Variants in TANGO6 observed in about 807,000 individuals in gnomAD.
The protein encoded by TANGO6 is transport and Golgi organization protein 6 homolog.
Under a neutral mutation model 114.2 loss-of-function variants are expected in TANGO6, and 90 were observed. That is an observed-to-expected ratio of 0.79 (90% CI 0.66 to 0.94). The LOEUF (loss-of-function observed/expected upper bound fraction) is 0.94. TANGO6 is among the 40% of genes least tolerant of loss of function. The pLI is 0.00. For missense variants in TANGO6, 1,274 were observed against 1,315.3 expected, an observed-to-expected ratio of 0.97 and a Z score of 0.49; for synonymous variants, 477 against 509.8, an observed-to-expected ratio of 0.94 and a Z score of 0.87.
chr16:68,881,475 C>T (rs1163548213), intron 7 of TANGO6, among the ~76,000 whole-genome samples: 2 of 152,194 alleles, frequency 1.3e-5, no homozygotes, highest in Middle Eastern at 3.2e-3. Flanking sequence ...TATCATGCCA[C>T]TGCACTCCAG....
intron 16 of TANGO6, among the ~76,000 whole-genome samples, chr16:69,028,383 A>T (rs919504406): frequency 6.6e-6 from 1 of 152,000 alleles, no homozygotes; most frequent in Non-Finnish European, 1.5e-5. Context: ...TAATCTCAGC[A>T]CTTTGGGAGG....
chr16:68,884,830 G>A (rs1962517458), intron 7 of TANGO6, among the ~76,000 whole-genome samples: 2 of 152,186 alleles, frequency 1.3e-5, no homozygotes, highest in Admixed American at 6.5e-5. Flanking sequence ...AAAAAAGAGG[G>A]AGGAAACCTT....
intron 3 of TANGO6, among the ~76,000 whole-genome samples, chr16:68,864,714 G>A (rs1327282078): frequency 6.6e-6 from 1 of 152,174 alleles, no homozygotes; most frequent in Non-Finnish European, 1.5e-5. Flanking sequence ...GAATCTTACT[G>A]TAAGCCTTCC....
At chr16:68,944,928 C>G (rs1963398545) in intron 14 of TANGO6, among the ~76,000 whole-genome samples, 1 of 152,180 alleles carries the variant, frequency 6.6e-6, no homozygotes, top group Non-Finnish European at 1.5e-5. Flanking sequence ...AGGCAGATCA[C>G]TTGAGGTCAG....
At chr16:69,075,998 C>T (rs928282223) in intron 17 of TANGO6, among the ~76,000 whole-genome samples, 1 of 150,866 alleles carries the variant, frequency 6.6e-6, no homozygotes, top group African/African-American at 2.4e-5. Context: ...CTCCTGACCT[C>T]GTGATCTTCC....
intron 14 of TANGO6, among the ~76,000 whole-genome samples, chr16:68,966,403 C>A (rs1005556952): frequency 1.3e-5 from 2 of 151,514 alleles, no homozygotes; most frequent in Non-Finnish European, 2.9e-5. Context: ...ACTTGGGAGG[C>A]TGAGACAGGA....
At chr16:69,035,679 G>T (rs991924422) in intron 16 of TANGO6, 2 of 152,160 alleles carry the variant, frequency 1.3e-5, no homozygotes, top group Admixed American at 6.5e-5. Context: ...ATGGCTTTTA[G>T]AAGTGGACAC....
intron 11 of TANGO6, among the ~76,000 whole-genome samples, chr16:68,915,173 C>CA (rs1165497927): frequency 0.052 from 3,833 of 73,654 alleles, 95 homozygotes; most frequent in Non-Finnish European, 0.061. Context: ...AACTCTGTCT[C>CA]AAAAAAAAAA....
At chr16:68,917,279 T>G (rs1963019374) in intron 11 of TANGO6, among the ~76,000 whole-genome samples, 1 of 152,172 alleles carries the variant, frequency 6.6e-6, no homozygotes, top group Non-Finnish European at 1.5e-5. Flanking sequence ...TTTGGATGTA[T>G]CACAGTTTAT....
intron 11 of TANGO6, among the ~76,000 whole-genome samples, chr16:68,914,173 A>G (rs1962967060): frequency 6.6e-6 from 1 of 152,062 alleles, no homozygotes; most frequent in South Asian, 2.1e-4. Flanking sequence ...TATTATTATT[A>G]TTTTTGAGAC....
chr16:69,025,772 T>A (rs78334695), intron 16 of TANGO6: 1 of 142,876 alleles, frequency 7.0e-6, no homozygotes, highest in Non-Finnish European at 1.5e-5. Flanking sequence ...GCACCTGGCC[T>A]TTTTTTTTTT....
At chr16:68,854,051 C>T (rs1489014606) in intron 1 of TANGO6, among the ~76,000 whole-genome samples, 2 of 152,106 alleles carry the variant, frequency 1.3e-5, no homozygotes, top group Non-Finnish European at 2.9e-5. Flanking sequence ...CAAACATTTT[C>T]TCCCTATCTG....
intron 14 of TANGO6, among the ~76,000 whole-genome samples, chr16:68,962,005 T>G (rs142459210): frequency 4.9e-4 from 75 of 152,336 alleles, no homozygotes; most frequent in African/African-American, 1.7e-3. Context: ...CCTGAATCTT[T>G]ATAAATTTGT....
At chr16:68,902,272 T>C in intron 8 of TANGO6, 56 bp from the exon 9 acceptor site, 1 of 1,509,720 alleles carries the variant, frequency 6.6e-7, no homozygotes, top group Non-Finnish European at 8.9e-7. Context: ...TTATGTTAGC[T>C]TGTTAGATGC....
At chr16:68,907,625 G>T in intron 10 of TANGO6, 50 bp downstream of exon 10, 1 of 1,536,380 alleles carries the variant, frequency 6.5e-7, no homozygotes, top group South Asian at 1.3e-5. Flanking sequence ...GGGAGTTCCA[G>T]GAAACCCTTA....
At chr16:68,857,070 C>T (rs1962007504) in intron 1 of TANGO6, among the ~76,000 whole-genome samples, 1 of 152,240 alleles carries the variant, frequency 6.6e-6, no homozygotes, top group Non-Finnish European at 1.5e-5. Flanking sequence ...GATCGCACCG[C>T]TGCACTCCAG....
chr16:68,971,144 C>A (rs1385319133), intron 14 of TANGO6, among the ~76,000 whole-genome samples: 4 of 148,966 alleles, frequency 2.7e-5, no homozygotes, highest in African/African-American at 9.9e-5. Context: ...GAGCGAGACT[C>A]CATCTCAAAA....
chr16:68,883,412 T>C (rs1352561616), intron 7 of TANGO6, among the ~76,000 whole-genome samples: 5 of 152,238 alleles, frequency 3.3e-5, no homozygotes, highest in Non-Finnish European at 7.3e-5. Flanking sequence ...TTGTACAATA[T>C]GTGTTTTTTT....
At position 69,083,533 on chromosome 16, in the gene TANGO6, G is replaced by A. The variant is rs752841129; in HGVS notation, c.3157G>A (p.Val1053Met). The A allele has an allele frequency of 5.6e-6, 9 of 1,612,570 alleles. No individual in the cohort carries two copies. The highest frequency in any genetic ancestry group is 2.2e-5 in the East Asian group (1 of 44,850). The change falls in exon 18 of 18, where the codon GTG (valine) becomes ATG (methionine). Residue 1053 changes from valine (V) to methionine (M), a missense_variant. Transcript: ENST00000261778. The part of the protein sequence containing the change: ...KDLYHLLKHV[V>M]CLEPDDVAKL... ...TCTCTACCACCTGCTGAAGCACGTAGTGTGTCTGGAGCCCGATGACGTGGC... is the reference window on the plus strand; with the variant it reads ...TCTCTACCACCTGCTGAAGCACGTAATGTGTCTGGAGCCCGATGACGTGGC...
Sources: gnomAD v4.1 joint callset for allele counts (sites outside exome capture counted in the v4.1 genomes callset) on GRCh38, gnomAD v4.1.1 for gene constraint, MANE v1.5 for transcripts, NCBI Gene and HGNC (gene_info 2026-07-23, HGNC 2026-07-21) for gene names.